ZNF469: variants seen among roughly 807,000 people sequenced by gnomAD.
ZNF469 encodes zinc finger protein 469.
Under a neutral mutation model 1.0 loss-of-function variants are expected in ZNF469, and 1 was observed. That is an observed-to-expected ratio of 1.00 (90% CI 0.35 to 4.73). ZNF469 has a LOEUF of 4.73. Ranked by LOEUF, ZNF469 falls within the 30% of genes most tolerant of loss-of-function variation. ZNF469 has a pLI of 0.16. For synonymous variants in ZNF469, 2,703 were observed against 2,363.4 expected (o/e 1.14, Z -4.17); for missense variants, 6,100 against 5,356.3 (o/e 1.14, Z -4.33).
Position 88,395,843 on chromosome 16 carries a change from C to T in ZNF469, c.-192+12589C>T, listed in dbSNP as rs114684379. The stretch of plus-strand genomic sequence containing the variant: ...GGATGTTGACAGGCATCAGGCCGCA[C>T]GTCTTTCCTGGATGGATCAAAGGCC... On this transcript the variant is annotated intron_variant, in intron 1 of 2. Transcript: ENST00000565624. Among the ~76,000 whole-genome samples, 1,454 of 152,308 alleles carry T rather than the reference C, an allele frequency of 9.5e-3. 31 individuals carry two copies. Among genetic ancestry groups the T allele is most frequent in the African/African-American group, 0.034 (1,394 of 41,568 alleles).
In ZNF469 at chr16:88,429,872, G is replaced by A; in HGVS notation, c.2402G>A (p.Gly801Glu). The A allele has an allele frequency of 5.2e-6, 8 of 1,550,120 alleles. No individual in the cohort carries two copies. The highest frequency in any genetic ancestry group is 1.4e-5 in the African/African-American group (1 of 73,178). Reference protein sequence around the residue: ...LSHAKTFLLAGDAQAEGKDDP... With the variant: ...LSHAKTFLLAEDAQAEGKDDP... The stretch of plus-strand genomic sequence containing the variant: ...CACGCGAAGACCTTCCTGTTAGCTG[G>A]GGACGCCCAGGCCGAGGGCAAAGAC... Residue 801 changes from glycine to glutamate, a missense_variant, in exon 3 of 3, where the codon GGG becomes GAG. Gly to Glu is a moderately conservative substitution (Grantham distance 98, BLOSUM62 -2). Transcript: ENST00000565624.
At chr16:88,250,527 A>C in the ZNF469 span, among the ~76,000 whole-genome samples, 2 of 152,106 alleles carry the variant, frequency 1.3e-5, no homozygotes, top group Non-Finnish European at 2.9e-5. Flanking sequence ...TTTTGCACCA[A>C]ATCTGGGAAG....
the ZNF469 span, among the ~76,000 whole-genome samples, chr16:88,106,658 C>T: frequency 1.3e-5 from 2 of 152,230 alleles, no homozygotes; most frequent in Non-Finnish European, 2.9e-5. Flanking sequence ...TTTTGCACCA[C>T]GTGAGCCAAG....
the ZNF469 span, among the ~76,000 whole-genome samples, chr16:88,120,086 T>C: frequency 1.2e-4 from 18 of 151,958 alleles, 1 homozygote; most frequent in East Asian, 5.9e-4. Context: ...CCGGGTAGAG[T>C]GTGCTGAGGC....
chr16:88,274,719 G>T, the ZNF469 span, among the ~76,000 whole-genome samples: 1 of 152,232 alleles, frequency 6.6e-6, no homozygotes, highest in African/African-American at 2.4e-5. Context: ...ACAGAATTCA[G>T]TTCAATTCTG....
chr16:88,289,900 A>C, the ZNF469 span, among the ~76,000 whole-genome samples: 1 of 152,224 alleles, frequency 6.6e-6, no homozygotes, highest in African/African-American at 2.4e-5. Flanking sequence ...CCTAACCAGA[A>C]AATAGCTTTC....
At position 88,429,086 on chromosome 16, in the gene ZNF469, G is replaced by A. The variant is rs1234790307; in HGVS notation, c.1616G>A (p.Ser539Asn). The A allele has an allele frequency of 6.5e-7, 1 of 1,550,012 alleles. No homozygotes were observed. Among genetic ancestry groups the A allele is most frequent in the Non-Finnish European group, 8.7e-7 (1 of 1,146,878 alleles). Residue 539 changes from serine (S) to asparagine (N), a missense_variant, in exon 3 of 3, where the codon AGC (serine) becomes AAC (asparagine). Physicochemically the swap from Ser to Asn is conservative, Grantham distance 46. Transcript: ENST00000565624. ...AGAGAGAAGCTGCCAGCCGTGAGAA[G>A]CAGCCAGGGCGGCTCCCCAGCACTG... ...GPREKLPAVR[S>N]SQGGSPALFT...
In ZNF469 at chr16:88,410,156, TCACGGTGCAGGTCA is replaced by T. The variant is rs145379518; in HGVS notation, c.-191-14647_-191-14634del. ...GAAGCCCAACTGTTCACGGAGAAGT[TCACGGTGCAGGTCA>T]CACAGTTCACGGTGACGGCTATGAT... On this transcript the variant is annotated intron_variant, in intron 1 of 2. Transcript: ENST00000565624. 6.1e-3 allele frequency among the ~76,000 whole-genome samples: 926 copies of T among 152,254 alleles called. 5 individuals carry two copies. Among genetic ancestry groups the T allele is most frequent in the Middle Eastern group, 0.014 (4 of 294 alleles).
chr16:88,376,648 G>A, the ZNF469 span, among the ~76,000 whole-genome samples: 1 of 152,278 alleles, frequency 6.6e-6, no homozygotes, highest in South Asian at 2.1e-4. Context: ...CTGAGTGAGG[G>A]ATGCTCCGGC....
At chr16:88,113,560 G>A in the ZNF469 span, among the ~76,000 whole-genome samples, 5 of 152,158 alleles carry the variant, frequency 3.3e-5, no homozygotes, top group Admixed American at 6.5e-5. Context: ...GCTCGGGGAG[G>A]AACAGTTTAC....
At chr16:88,264,335 G>A in the ZNF469 span, among the ~76,000 whole-genome samples, 5 of 151,976 alleles carry the variant, frequency 3.3e-5, no homozygotes, top group South Asian at 2.1e-4. Flanking sequence ...TCCTGGGGCC[G>A]GGGCAGGCCA....
chr16:88,304,682 T>G, the ZNF469 span, among the ~76,000 whole-genome samples: 1 of 152,162 alleles, frequency 6.6e-6, no homozygotes, highest in Non-Finnish European at 1.5e-5. Context: ...ACCCAATGCA[T>G]TCCTTCCCCC....
Position 88,438,139 on chromosome 16 carries a change from C to A in ZNF469, c.10669C>A (p.Pro3557Thr). 2 of 1,550,376 alleles carry A rather than the reference C, an allele frequency of 1.3e-6. No homozygotes were observed. Among genetic ancestry groups the A allele is most frequent in the Non-Finnish European group, 1.7e-6 (2 of 1,146,954 alleles). Residue 3557 changes from proline to threonine, a missense_variant, in exon 3 of 3, where the codon CCC becomes ACC. Pro to Thr is a conservative substitution (Grantham distance 38). Coordinates refer to ENST00000565624, the MANE Select transcript of ZNF469 (RefSeq NM_001367624.2). ...HQECPPPSLS[P>T]FPAALADGRG... ...GGAGTGTCCCCCGCCGTCTCTGTCT[C>A]CCTTCCCAGCTGCCTTGGCTGATGG...
At chr16:88,120,347 G>A in the ZNF469 span, among the ~76,000 whole-genome samples, 1 of 152,282 alleles carries the variant, frequency 6.6e-6, no homozygotes, top group African/African-American at 2.4e-5. Context: ...AGAAATGGCA[G>A]ATGATAAACT....
chr16:88,185,956 C>T, the ZNF469 span, among the ~76,000 whole-genome samples: 7 of 152,172 alleles, frequency 4.6e-5, no homozygotes, highest in Non-Finnish European at 8.8e-5. Flanking sequence ...CATGCACACA[C>T]ACACGCATAC....
chr16:88,203,052 G>A, the ZNF469 span, among the ~76,000 whole-genome samples: 4 of 152,176 alleles, frequency 2.6e-5, no homozygotes, highest in African/African-American at 7.2e-5. Context: ...GAGCGGGGGC[G>A]GGGGCCGTGA....
chr16:88,347,850 T>C, the ZNF469 span, among the ~76,000 whole-genome samples: 1 of 152,226 alleles, frequency 6.6e-6, no homozygotes, highest in South Asian at 2.1e-4. Flanking sequence ...CCCAGGAAGA[T>C]AGCAGAGTCC....
chr16:88,434,002 G>C lies in ZNF469; in HGVS notation c.6532G>C (p.Ala2178Pro). 6.5e-7 allele frequency: 1 copy of C among 1,550,286 alleles called. No individual in the cohort carries two copies. The highest frequency in any genetic ancestry group is 8.7e-7 in the Non-Finnish European group (1 of 1,146,910). ...CSPAWAPLEE[A>P]DGVQATTDTG... ...TCCTGCCTGGGCACCTCTGGAAGAG[G>C]CAGATGGCGTCCAAGCCACGACAGA... The change falls in exon 3 of 3, where the codon GCA becomes CCA. Residue 2178 changes from alanine to proline, a missense_variant. Transcript: ENST00000565624.
chr16:88,288,381 C>G, the ZNF469 span, among the ~76,000 whole-genome samples: 1 of 152,244 alleles, frequency 6.6e-6, no homozygotes, highest in Admixed American at 6.5e-5. Context: ...CAGGACCTAC[C>G]TGTTTTTTAT....
Sources: gnomAD v4.1 joint callset for allele counts (sites outside exome capture counted in the v4.1 genomes callset) on GRCh38, gnomAD v4.1.1 for gene constraint, MANE v1.5 for transcripts, NCBI Gene and HGNC (gene_info 2026-07-23, HGNC 2026-07-21) for gene names.